PRKAR1B: variants seen among roughly 807,000 people sequenced by gnomAD.
The protein encoded by PRKAR1B is cAMP-dependent protein kinase type I-beta regulatory subunit.
PRKAR1B carries 22 observed loss-of-function variants against 46.5 expected under a neutral mutation model. That is an observed-to-expected ratio of 0.47 (90% CI 0.34 to 0.68). The LOEUF is 0.68. Ranked by LOEUF, PRKAR1B falls within the 30% of genes least tolerant of loss-of-function variation. PRKAR1B has a pLI of 0.01. For missense variants in PRKAR1B, 445 were observed against 535.6 expected, an observed-to-expected ratio of 0.83 and a Z score of 1.67; for synonymous variants, 259 against 217.7, an observed-to-expected ratio of 1.19 and a Z score of -1.67.
chr7:550,405 T>C lies in PRKAR1B; in HGVS notation c.*25A>G, dbSNP rs1490351134. ...GGGCACGGCCACCACACTGGGGAGC[T>C]GGGGCTGCAGGGCGGGAGCTGTGCT... On this transcript the variant is annotated 3_prime_UTR_variant, in exon 11 of 11. Coordinates refer to ENST00000537384, the MANE Select transcript of PRKAR1B (RefSeq NM_001164760.2). 8 of 1,570,462 alleles carry C rather than the reference T, an allele frequency of 5.1e-6. No individual in the cohort carries two copies. Among genetic ancestry groups the C allele is most frequent in the Non-Finnish European group, 6.9e-6 (8 of 1,157,930 alleles).
intron 9 of PRKAR1B, among the ~76,000 whole-genome samples, chr7:551,861 G>A (rs1307256534): frequency 2.8e-5 from 3 of 108,438 alleles, no homozygotes; most frequent in Admixed American, 2.2e-4. Context: ...CCACCACCAT[G>A]TAACCACCCA....
chr7:643,554 C>A (rs904200415), intron 4 of PRKAR1B, among the ~76,000 whole-genome samples: 13 of 151,316 alleles, frequency 8.6e-5, no homozygotes, highest in Admixed American at 2.6e-4. Context: ...GAAACCCAGT[C>A]TCTAATAAAA....
intron 4 of PRKAR1B, among the ~76,000 whole-genome samples, chr7:632,072 C>T (rs1036832770): frequency 1.3e-5 from 2 of 152,256 alleles, no homozygotes; most frequent in South Asian, 2.1e-4. Flanking sequence ...CCAGGAAGAC[C>T]GAGCTCACGT....
chr7:673,266 G>A (rs547516815), intron 4 of PRKAR1B, among the ~76,000 whole-genome samples: 2 of 151,988 alleles, frequency 1.3e-5, no homozygotes, highest in Admixed American at 6.6e-5. Flanking sequence ...ATTTTCAACC[G>A]GGTGAACGTA....
intron 4 of PRKAR1B, among the ~76,000 whole-genome samples, chr7:676,393 C>G (rs866684496): frequency 2.6e-5 from 4 of 152,198 alleles, no homozygotes; most frequent in African/African-American, 9.7e-5. Context: ...GAGCTCCCGG[C>G]ACAGGCAGGA....
chr7:727,831 C>T (rs911805364), upstream of PRKAR1B, among the ~76,000 whole-genome samples: 9 of 149,694 alleles, frequency 6.0e-5, no homozygotes, highest in African/African-American at 2.2e-4. Flanking sequence ...CCCCCTCCAC[C>T]CCACCCGGGC....
intron 3 of PRKAR1B, among the ~76,000 whole-genome samples, chr7:680,241 C>G (rs7781113): frequency 0.23 from 34,789 of 151,794 alleles, 4,242 homozygotes; most frequent in South Asian, 0.43. Flanking sequence ...AGCCTCTGCT[C>G]ACTCCAAGGA....
At chr7:583,385 A>ACACACACACACCCACACGTG (rs1780323114) in intron 8 of PRKAR1B, among the ~76,000 whole-genome samples, 1 of 109,942 alleles carries the variant, frequency 9.1e-6, no homozygotes. Flanking sequence ...ACACATGTGC[A>ACACACACACACCCACACGTG]CACTCACACC....
At chr7:642,509 A>G (rs1049160521) in intron 4 of PRKAR1B, among the ~76,000 whole-genome samples, 2 of 152,102 alleles carry the variant, frequency 1.3e-5, no homozygotes, top group East Asian at 3.9e-4. Context: ...GCGGATCACG[A>G]GGTCAGGAGA....
At chr7:598,328 A>G (rs13236973) in intron 6 of PRKAR1B, among the ~76,000 whole-genome samples, 5,686 of 40,760 alleles carry the variant, frequency 0.14, 600 homozygotes, top group African/African-American at 0.33. Flanking sequence ...CATCGCCCTC[A>G]CTCCAGCACC....
chr7:663,615 G>A (rs1785737647), intron 4 of PRKAR1B, among the ~76,000 whole-genome samples: 1 of 152,100 alleles, frequency 6.6e-6, no homozygotes, highest in Non-Finnish European at 1.5e-5. Flanking sequence ...CTGTGTCCCA[G>A]GGTCCTGGCC....
intron 8 of PRKAR1B, among the ~76,000 whole-genome samples, chr7:583,078 C>T (rs867337195): frequency 2.6e-5 from 4 of 151,762 alleles, no homozygotes; most frequent in Non-Finnish European, 5.9e-5. Flanking sequence ...GGGGGGGTGA[C>T]GGCTCACAGG....
At chr7:694,833 C>T (rs544685102) in intron 2 of PRKAR1B, among the ~76,000 whole-genome samples, 1 of 152,020 alleles carries the variant, frequency 6.6e-6, no homozygotes, top group Non-Finnish European at 1.5e-5. Context: ...GTCAGAAGTT[C>T]GAGACCAGCC....
chr7:630,272 T>G (rs1386185573), intron 4 of PRKAR1B, among the ~76,000 whole-genome samples: 1 of 152,142 alleles, frequency 6.6e-6, no homozygotes, highest in African/African-American at 2.4e-5. Flanking sequence ...GCAGCTGAGA[T>G]GTACCTGAGG....
intron 7 of PRKAR1B, among the ~76,000 whole-genome samples, chr7:587,926 G>A (rs1437973854): frequency 6.6e-6 from 1 of 152,256 alleles, no homozygotes; most frequent in Non-Finnish European, 1.5e-5. Context: ...GTGAAATGGG[G>A]GAGGAATGGC....
intron 4 of PRKAR1B, among the ~76,000 whole-genome samples, chr7:632,285 T>C (rs1562575573): frequency 6.6e-6 from 1 of 152,090 alleles, no homozygotes; most frequent in Non-Finnish European, 1.5e-5. Context: ...AGGGCGCACA[T>C]CTTCTCAACC....
chr7:556,818 T>C (rs907186891), intron 9 of PRKAR1B, among the ~76,000 whole-genome samples: 15 of 152,304 alleles, frequency 9.8e-5, no homozygotes, highest in Non-Finnish European at 1.5e-4. Flanking sequence ...TCAGATGCCA[T>C]GTTTCTGGAA....
chr7:727,318 G>A (rs1562369852), upstream of PRKAR1B: 1 of 1,279,000 alleles, frequency 7.8e-7, no homozygotes, highest in South Asian at 2.4e-5. Context: ...CACGCCCGGT[G>A]AGCACCCCGG....
At chr7:686,294 A>C (rs2128512102) in intron 2 of PRKAR1B, among the ~76,000 whole-genome samples, 1 of 151,208 alleles carries the variant, frequency 6.6e-6, no homozygotes, top group East Asian at 1.9e-4. Context: ...GAGCGAGATT[A>C]TGTCTCAGAA....
Sources: allele counts gnomAD v4.1 joint callset (sites outside exome capture counted in the v4.1 genomes callset), GRCh38; gene constraint gnomAD v4.1.1; transcripts MANE v1.5; gene names NCBI Gene and HGNC (gene_info 2026-07-23, HGNC 2026-07-21).